The following TRDN variants were observed in gnomAD, a reference collection of about 807,000 sequenced individuals.
TRDN encodes the protein triadin in skeletal muscle.
A neutral mutation model predicts 149.7 loss-of-function variants in TRDN; 161 were observed. The ratio of observed to expected loss-of-function variants is 1.08; its 90% CI spans 0.95 to 1.23. The LOEUF (loss-of-function observed/expected upper bound fraction) is 1.23, where lower values mean the gene tolerates loss of function less well. TRDN is among the 50% of genes most tolerant of loss of function. The pLI is 0.00. For missense variants in TRDN, 896 were observed against 823.5 expected, an observed-to-expected ratio of 1.09 and a Z score of -1.08; for synonymous variants, 294 against 250.5, an observed-to-expected ratio of 1.17 and a Z score of -1.64.
At chr6:123,326,272 A>G (rs1367669) in intron 23 of TRDN, among the ~76,000 whole-genome samples, 27,411 of 152,004 alleles carry the variant, frequency 0.18, 3,482 homozygotes, top group East Asian at 0.63. Flanking sequence ...ACACCCAAAT[A>G]GCCAGCTTCC....
intron 2 of TRDN, among the ~76,000 whole-genome samples, chr6:123,560,057 C>G (rs1194990701): frequency 6.6e-6 from 1 of 152,106 alleles, no homozygotes. Context: ...AGGACTGCAC[C>G]CTGTAGCCTT....
intron 2 of TRDN, among the ~76,000 whole-genome samples, chr6:123,554,412 C>A (rs1012888728): frequency 1.3e-5 from 2 of 151,898 alleles, no homozygotes; most frequent in African/African-American, 4.8e-5. Context: ...AAAGTTATTT[C>A]AAAATACATA....
chr6:123,263,327 G>A (rs1259587982), intron 33 of TRDN, among the ~76,000 whole-genome samples: 2 of 152,034 alleles, frequency 1.3e-5, no homozygotes, highest in African/African-American at 4.8e-5. Flanking sequence ...TGAGAGAAGT[G>A]AGGAAACTGC....
chr6:123,528,656 A>C, intron 5 of TRDN: 1 of 986,482 alleles, frequency 1.0e-6, no homozygotes. Context: ...TACAGAAAAC[A>C]GTATTTATCC....
At chr6:123,377,789 A>C (rs1781566805) in intron 17 of TRDN, 47 bp from the exon 18 acceptor site, 1 of 1,610,896 alleles carries the variant, frequency 6.2e-7, no homozygotes. Context: ...TATGTCATTC[A>C]ATTGTAATTC....
At chr6:123,489,493 G>C (rs991696238) in intron 9 of TRDN, 1 of 151,864 alleles carries the variant, frequency 6.6e-6, no homozygotes, top group African/African-American at 2.4e-5. Flanking sequence ...TGACTTATTT[G>C]TTTTCTTATA....
In TRDN at chr6:123,274,133, T is replaced by C. The variant is rs150972509; in HGVS notation, c.1597+508A>G. 3.9e-5 allele frequency among the ~76,000 whole-genome samples: 6 copies of C among 152,248 alleles called. No homozygotes were observed. The East Asian group carries it at 1.2e-3, about 29-fold the overall frequency. On this transcript the variant is annotated intron_variant, in intron 27 of 40. Transcript: ENST00000334268. The stretch of plus-strand genomic sequence containing the variant: ...TTCTTCAGATATTAAGTATAGGTAA[T>C]AATGGCCATGCTGTCTGTTTCTCAT...
chr6:123,216,486 A>G lies in TRDN; in HGVS notation c.*2115T>C, dbSNP rs1325232045. On this transcript the variant is annotated 3_prime_UTR_variant, in exon 41 of 41. Coordinates refer to ENST00000334268, the MANE Select transcript of TRDN (RefSeq NM_006073.4). ...TTTTTACATTATAGCTGATTTGTCTAAATTCTAATTACAATAAAATATATC... is the reference window on the plus strand; with the variant it reads ...TTTTTACATTATAGCTGATTTGTCTGAATTCTAATTACAATAAAATATATC... The G allele has an allele frequency of 6.6e-6, 1 of 151,966 alleles. No individual in the cohort carries two copies. Among genetic ancestry groups the G allele is most frequent in the Non-Finnish European group, 1.5e-5 (1 of 67,950 alleles). The allele number at this position is 151,966 out of a possible 1,614,324, so 9.4% of individuals were successfully genotyped here. A position where few individuals can be genotyped will look rare whatever the true frequency, so the allele number is the denominator to read the frequency against.
At chr6:123,412,359 T>C (rs1348461658) in intron 12 of TRDN, among the ~76,000 whole-genome samples, 1 of 152,162 alleles carries the variant, frequency 6.6e-6, no homozygotes, top group Non-Finnish European at 1.5e-5. Flanking sequence ...ATTAAATAAT[T>C]TAAAGTTAAA....
intron 13 of TRDN, among the ~76,000 whole-genome samples, chr6:123,389,980 TG>T (rs1782046828): frequency 1.3e-5 from 2 of 152,176 alleles, no homozygotes; most frequent in Non-Finnish European, 1.5e-5. Flanking sequence ...TTCTTTACAT[TG>T]AAAATAAGAA....
chr6:123,473,320 G>A (rs932524185), intron 9 of TRDN, among the ~76,000 whole-genome samples: 23 of 152,192 alleles, frequency 1.5e-4, no homozygotes, highest in Non-Finnish European at 2.9e-4. Context: ...GAGCCGATGC[G>A]ATCAACTGGA....
chr6:123,267,899 C>T (rs560097623), intron 31 of TRDN, 148 bp from the exon 32 acceptor site: 2 of 613,232 alleles, frequency 3.3e-6, no homozygotes. Flanking sequence ...AAGCATATTG[C>T]CATAAAAAAA....
rs144289094 is a variant in TRDN at position 123,498,580 on chromosome 6, C to T, written c.794-1328G>A. ...AGGCTAGTCCTCAGGTCATTCCATG[C>T]ATTGATTTGCCCTTTGATGTACTGG... On this transcript the variant is annotated intron_variant, in intron 8 of 40. Coordinates refer to ENST00000334268, the MANE Select transcript of TRDN (RefSeq NM_006073.4). The T allele has an allele frequency of 8.4e-4, 396 of 471,042 alleles. 1 individual carries two copies. The highest frequency in any genetic ancestry group is 7.4e-3 in the African/African-American group (373 of 50,190). The allele number at this position is 471,042 out of a possible 1,614,324, so 29.2% of individuals were successfully genotyped here. A position where few individuals can be genotyped will look rare whatever the true frequency, so the allele number is the denominator to read the frequency against.
chr6:123,543,501 G>C (rs4260766), intron 4 of TRDN, among the ~76,000 whole-genome samples: 2 of 152,120 alleles, frequency 1.3e-5, no homozygotes, highest in Non-Finnish European at 2.9e-5. Context: ...GTGAATCTTA[G>C]ACCTCTGTGC....
chr6:123,337,010 T>C (rs1359393587), intron 22 of TRDN, among the ~76,000 whole-genome samples: 1 of 151,906 alleles, frequency 6.6e-6, no homozygotes, highest in Non-Finnish European at 1.5e-5. Flanking sequence ...AATATTTACA[T>C]AGGCAAAGAG....
Position 123,609,132 on chromosome 6 carries a change from C to T in TRDN, c.22+27622G>A, listed in dbSNP as rs183297939. Among the ~76,000 whole-genome samples the T allele has an allele frequency of 5.7e-3, 866 of 152,018 alleles. 13 individuals carry two copies. The highest frequency in any genetic ancestry group is 4.1e-3 in the Non-Finnish European group (278 of 67,978). On this transcript the variant is annotated intron_variant, in intron 1 of 40. Coordinates refer to ENST00000334268, the MANE Select transcript of TRDN (RefSeq NM_006073.4). ...AGGTTGGAGTGAGCCGAGGTTGTGA[C>T]ACTGCACTCCAGTCTGGGTGACAGA...
intron 31 of TRDN, among the ~76,000 whole-genome samples, chr6:123,269,343 A>G (rs1157139231): frequency 6.6e-6 from 1 of 152,068 alleles, no homozygotes; most frequent in East Asian, 1.9e-4. Flanking sequence ...GGATTTCTAA[A>G]TGCCAAAGTT....
intron 24 of TRDN, among the ~76,000 whole-genome samples, chr6:123,284,226 A>C (rs1363817493): frequency 6.6e-6 from 1 of 150,996 alleles, no homozygotes; most frequent in African/African-American, 2.4e-5. Flanking sequence ...AAAACTACAG[A>C]TCAATATTCT....
In TRDN at chr6:123,401,074, A is replaced by AT. The variant is rs570339261; in HGVS notation, c.1052-7398dup. Reference sequence around the variant, plus strand: ...GAGACAAGGTGTTTGAAAAGCCCATATTATATGCCTGACAATTCTAAACCA... The same window carrying AT: ...GAGACAAGGTGTTTGAAAAGCCCATATTTATATGCCTGACAATTCTAAACCA... On this transcript the variant is annotated intron_variant, in intron 12 of 40. Transcript: ENST00000334268. Among the ~76,000 whole-genome samples the AT allele has an allele frequency of 5.9e-4, 90 of 152,346 alleles. 1 individual carries two copies. Among genetic ancestry groups the AT allele is most frequent in the Admixed American group, 1.7e-3 (26 of 15,298 alleles).
Sources: gnomAD v4.1 joint callset for allele counts (sites outside exome capture counted in the v4.1 genomes callset) on GRCh38, gnomAD v4.1.1 for gene constraint, MANE v1.5 for transcripts, NCBI Gene and HGNC (gene_info 2026-07-23, HGNC 2026-07-21) for gene names.